Variants in CIPC observed in about 807,000 individuals in gnomAD.
CIPC encodes CLOCK interacting pacemaker.
Under a neutral mutation model 26.7 loss-of-function variants are expected in CIPC, and 12 were observed. The ratio of observed to expected loss-of-function variants is 0.45; its 90% confidence interval spans 0.29 to 0.73. The LOEUF is 0.73. Ranked by LOEUF, CIPC falls within the 30% of genes least tolerant of loss-of-function variation. The pLI, the probability that CIPC is intolerant of heterozygous loss-of-function variation, is 0.12. For synonymous variants in CIPC, 170 were observed against 189.8 expected (o/e 0.90, Z 0.86); for missense variants, 417 against 486.5 (o/e 0.86, Z 1.34).
At chr14:77,112,158 A>G (rs544375686) in intron 3 of CIPC, among the ~76,000 whole-genome samples, 3 of 152,246 alleles carry the variant, frequency 2.0e-5, no homozygotes, top group African/African-American at 4.8e-5. Flanking sequence ...AGATAAATCA[A>G]ATGACCCCAC....
intron 1 of CIPC, among the ~76,000 whole-genome samples, chr14:77,105,267 C>G (rs182041483): frequency 6.6e-6 from 1 of 152,142 alleles, no homozygotes; most frequent in Non-Finnish European, 1.5e-5. Flanking sequence ...TCCCCTCTCC[C>G]CCTCCTTCTG....
chr14:77,111,690 C>T (rs1168535054), intron 3 of CIPC, among the ~76,000 whole-genome samples: 4 of 152,156 alleles, frequency 2.6e-5, no homozygotes, highest in Admixed American at 6.5e-5. Context: ...GTGATTTCCA[C>T]ATGAATAATA....
chr14:77,112,314 C>T (rs1886720567), intron 3 of CIPC, among the ~76,000 whole-genome samples: 1 of 152,106 alleles, frequency 6.6e-6, no homozygotes, highest in Non-Finnish European at 1.5e-5. Context: ...TAGATTTCGT[C>T]TGAATCAATA....
chr14:77,113,889 G>C lies in CIPC; in HGVS notation c.771G>C (p.Leu257=). The change falls in exon 4 of 4, where the codon CTG becomes CTC. Residue 257 remains leucine, a synonymous_variant. Transcript: ENST00000361786. ...SSSHVAKAPS[L]TFASPASPVC... is the part of the protein sequence containing the mutation. ...GTCACGTGGCTAAAGCTCCCAGTCT[G>C]ACCTTCGCTTCCCCCGCCAGTCCTG... The C allele has an allele frequency of 6.2e-7, 1 of 1,614,134 alleles. No individual in the cohort carries two copies. Among genetic ancestry groups the C allele is most frequent in the Non-Finnish European group, 8.5e-7 (1 of 1,180,042 alleles).
At chr14:77,105,380 A>C (rs1363458699) in intron 1 of CIPC, among the ~76,000 whole-genome samples, 1 of 152,134 alleles carries the variant, frequency 6.6e-6, no homozygotes, top group Non-Finnish European at 1.5e-5. Flanking sequence ...AGCCTAATCA[A>C]ATGTGCCTTT....
At chr14:77,104,961 G>A (rs1405762681) in intron 1 of CIPC, among the ~76,000 whole-genome samples, 2 of 152,288 alleles carry the variant, frequency 1.3e-5, no homozygotes, top group East Asian at 3.9e-4. Flanking sequence ...CCCCTGTAAA[G>A]TGAGATAGCA....
At chr14:77,099,355 T>C (rs1886428985) in intron 1 of CIPC, among the ~76,000 whole-genome samples, 1 of 152,166 alleles carries the variant, frequency 6.6e-6, no homozygotes, top group South Asian at 2.1e-4. Flanking sequence ...TTGACACGAA[T>C]TTTCAGCCAA....
chr14:77,105,388 T>C (rs1435059191), intron 1 of CIPC, among the ~76,000 whole-genome samples: 2 of 152,242 alleles, frequency 1.3e-5, no homozygotes, highest in African/African-American at 4.8e-5. Context: ...CAAATGTGCC[T>C]TTGTTAGCAG....
At chr14:77,106,434 G>T (rs1288705081) in intron 2 of CIPC, among the ~76,000 whole-genome samples, 1 of 152,114 alleles carries the variant, frequency 6.6e-6, no homozygotes, top group African/African-American at 2.4e-5. Context: ...TTCCTTACAA[G>T]TTTTTCTTAA....
chr14:77,099,088 C>G (rs1886422626), intron 1 of CIPC: 1 of 152,504 alleles, frequency 6.6e-6, no homozygotes, highest in Non-Finnish European at 1.5e-5. Flanking sequence ...GTATGCCAGT[C>G]ACAGCACAGT....
chr14:77,101,060 G>T (rs1594818211), intron 1 of CIPC, among the ~76,000 whole-genome samples: 5 of 152,310 alleles, frequency 3.3e-5, no homozygotes, highest in Admixed American at 3.3e-4. Context: ...TCCAGTCTAT[G>T]CCAGGAAGCA....
chr14:77,110,413 C>T (rs185158111), intron 3 of CIPC, among the ~76,000 whole-genome samples: 8 of 152,244 alleles, frequency 5.3e-5, no homozygotes, highest in Admixed American at 5.2e-4. Flanking sequence ...GAAGTAGAGG[C>T]AATTTCCCTG....
At chr14:77,101,262 C>T (rs138611221) in intron 1 of CIPC, among the ~76,000 whole-genome samples, 60 of 152,220 alleles carry the variant, frequency 3.9e-4, no homozygotes, top group African/African-American at 1.4e-3. Flanking sequence ...TTATGTGGTG[C>T]TATGTGTGAG....
chr14:77,098,919 GAGA>G (rs1217095891), intron 1 of CIPC, among the ~76,000 whole-genome samples: 1 of 152,262 alleles, frequency 6.6e-6, no homozygotes, highest in Non-Finnish European at 1.5e-5. Context: ...TGTTTCTGGG[GAGA>G]AGGTGGGCAG....
chr14:77,103,296 T>C (rs888957346), intron 1 of CIPC, among the ~76,000 whole-genome samples: 7 of 152,224 alleles, frequency 4.6e-5, no homozygotes, highest in African/African-American at 1.7e-4. Context: ...TATTTTGAAC[T>C]GCTTCTAGGG....
Position 77,114,316 on chromosome 14 carries a change from TA to T in CIPC, c.1199del (p.Ter400CysfsTer10). On this transcript the variant is annotated frameshift_variant and stop_lost, in exon 4 of 4. Coordinates refer to ENST00000361786, the MANE Select transcript of CIPC (RefSeq NM_033426.3). LOFTEE classifies it high-confidence loss of function. ...LEAFSDHPAI[*>X] Reference sequence around the variant, plus strand: ...AGCATTCTCTGATCACCCAGCCATATAGCACAGAGGCATATTTTCCTGTTAC... The same window carrying T: ...AGCATTCTCTGATCACCCAGCCATATGCACAGAGGCATATTTTCCTGTTAC... 1 of 1,604,250 alleles carries T rather than the reference TA, an allele frequency of 6.2e-7. No homozygotes were observed. The highest frequency in any genetic ancestry group is 1.7e-5 in the Admixed American group (1 of 58,032).
intron 3 of CIPC, among the ~76,000 whole-genome samples, chr14:77,112,350 TGAG>T (rs1422815038): frequency 6.6e-6 from 1 of 152,174 alleles, no homozygotes; most frequent in Non-Finnish European, 1.5e-5. Context: ...AATGTATAAT[TGAG>T]GAGTAATAAA....
chr14:77,104,907 A>G (rs1204438692), intron 1 of CIPC, among the ~76,000 whole-genome samples: 1 of 152,180 alleles, frequency 6.6e-6, no homozygotes, highest in East Asian at 1.9e-4. Context: ...TTTGATAAAT[A>G]TTTTTAAATG....
intron 2 of CIPC, among the ~76,000 whole-genome samples, chr14:77,106,404 G>C (rs181786407): frequency 6.6e-6 from 1 of 152,212 alleles, no homozygotes; most frequent in Non-Finnish European, 1.5e-5. Context: ...ATCTATTAGA[G>C]ATAAGAAAAT....
Sources: gnomAD v4.1 joint callset for allele counts (sites outside exome capture counted in the v4.1 genomes callset) on GRCh38, gnomAD v4.1.1 for gene constraint, MANE v1.5 for transcripts, NCBI Gene and HGNC (gene_info 2026-07-23, HGNC 2026-07-21) for gene names.